The following PSMC3IP variants were observed in gnomAD, a reference collection of about 807,000 sequenced individuals.
The protein encoded by PSMC3IP is homologous-pairing protein 2 homolog.
Under a neutral mutation model 34.9 loss-of-function variants are expected in PSMC3IP, and 26 were observed. The ratio of observed to expected loss-of-function variants is 0.74; its 90% CI spans 0.55 to 1.03. PSMC3IP has a LOEUF of 1.03. Among genes scored for constraint, PSMC3IP ranks in the 50% least tolerant of loss-of-function variants. The pLI, the probability that PSMC3IP is intolerant of heterozygous loss-of-function variation, is 0.00. For missense variants in PSMC3IP, 250 were observed against 263.1 expected (o/e 0.95, Z 0.34); for synonymous variants, 87 against 96.5 (o/e 0.90, Z 0.57).
rs753204781 is a variant in PSMC3IP at position 42,572,818 on chromosome 17, C to G, written c.*150G>C. The G allele has an allele frequency of 1.1e-6, 1 of 921,814 alleles. No homozygotes were observed. Among genetic ancestry groups the G allele is most frequent in the South Asian group, 1.4e-5 (1 of 72,502 alleles). The allele number at this position is 921,814 out of a possible 1,614,324, so 57.1% of individuals were successfully genotyped here. A position where few individuals can be genotyped will look rare whatever the true frequency, so the allele number is the denominator to read the frequency against. On this transcript the variant is annotated 3_prime_UTR_variant, in exon 8 of 8. Coordinates refer to ENST00000393795, the MANE Select transcript of PSMC3IP (RefSeq NM_016556.4). ...CAGCCCTCATCCTCTCTACCCAGTGCTCTGGTTTATGCTTGTCTCCTGACT... is the reference window on the plus strand; with the variant it reads ...CAGCCCTCATCCTCTCTACCCAGTGGTCTGGTTTATGCTTGTCTCCTGACT...
At chr17:42,573,878 A>G in intron 4 of PSMC3IP, 1 of 1,531,808 alleles carries the variant, frequency 6.5e-7, no homozygotes, top group South Asian at 1.2e-5. Context: ...GGGACAGTGT[A>G]CTGATAATCG....
chr17:42,574,746 T>C (rs201660662), intron 3 of PSMC3IP, among the ~76,000 whole-genome samples: 51 of 21,590 alleles, frequency 2.4e-3, no homozygotes, highest in African/African-American at 2.6e-3. Context: ...TCTCTTTCTC[T>C]CTCTTTCTCC....
chr17:42,577,658 G>A lies in PSMC3IP; in HGVS notation c.29C>T (p.Ala10Val). The A allele has an allele frequency of 6.2e-7, 1 of 1,614,126 alleles. No homozygotes were observed. The highest frequency in any genetic ancestry group is 8.5e-7 in the Non-Finnish European group (1 of 1,180,024). The change falls in exon 1 of 8, where the codon GCG becomes GTG. Residue 10 changes from alanine to valine, a missense_variant. By Grantham distance (64) the Ala-to-Val change is moderately conservative. Coordinates refer to ENST00000393795, the MANE Select transcript of PSMC3IP (RefSeq NM_016556.4). Reference sequence around the variant, plus strand: ...CGCGCCCACGGCGCCGTTACCTCCCGCCGCAGCTTCTGCCCGGCCTTTACT... The same window carrying A: ...CGCGCCCACGGCGCCGTTACCTCCCACCGCAGCTTCTGCCCGGCCTTTACT... MSKGRAEAA[A>V]GAAGILLRYL... is the part of the protein sequence containing the mutation.
rs771603176 is a variant in PSMC3IP at position 42,573,513 on chromosome 17, C to T, written c.448G>A (p.Ala150Thr). Residue 150 changes from alanine to threonine, a missense_variant, in exon 5 of 8, where the codon GCT (alanine) becomes ACT (threonine). Physicochemically the swap from Ala to Thr is moderately conservative, Grantham distance 58. Transcript: ENST00000393795. ...YRERLKNIKA[A>T]TNHVTPEEKE... ...TCTTCTGGAGTCACATGATTGGTAG[C>T]TGCTTTAATGTTCTTCAATCTCTCT... 2.5e-6 allele frequency: 4 copies of T among 1,614,232 alleles called. No homozygotes were observed. Among genetic ancestry groups the T allele is most frequent in the Non-Finnish European group, 3.4e-6 (4 of 1,180,044 alleles).
rs746884002 is a variant in PSMC3IP, at chr17:42,577,695, C to T, written c.-9G>A. ...GCCCGGCCTTTACTCATCGCCTTTC[C>T]CGCCACCCAACTCAGAAAGCCGGAC... On this transcript the variant is annotated 5_prime_UTR_variant, in exon 1 of 8. Coordinates refer to ENST00000393795, the MANE Select transcript of PSMC3IP (RefSeq NM_016556.4). 1 of 1,614,044 alleles carries T rather than the reference C, an allele frequency of 6.2e-7. No individual in the cohort carries two copies. The highest frequency in any genetic ancestry group is 8.5e-7 in the Non-Finnish European group (1 of 1,179,912).
intron 4 of PSMC3IP, 168 bp downstream of exon 4, chr17:42,573,931 A>G: frequency 6.5e-7 from 1 of 1,533,600 alleles, no homozygotes; most frequent in Non-Finnish European, 8.7e-7. Flanking sequence ...TTGTTGGTAC[A>G]CAAAAGCCGT....
intron 3 of PSMC3IP, among the ~76,000 whole-genome samples, chr17:42,574,810 G>A (rs1391493237): frequency 1.4e-5 from 2 of 142,074 alleles, no homozygotes; most frequent in Middle Eastern, 3.6e-3. Context: ...CCAGAGTGCA[G>A]TGGTGCAATC....
intron 3 of PSMC3IP, among the ~76,000 whole-genome samples, chr17:42,576,230 G>A (rs921641096): frequency 2.6e-5 from 4 of 152,172 alleles, no homozygotes; most frequent in African/African-American, 7.2e-5. Context: ...TCTAGTGTTC[G>A]TGGATAGAAA....
rs9903184 is a variant in PSMC3IP at position 42,574,190 on chromosome 17, A to G, written c.246T>C (p.Ser82=). The change falls in exon 4 of 8, where the codon AGT becomes AGC. Residue 82 remains serine (S), a synonymous_variant. Transcript: ENST00000393795. ...CATCTAGGACTTGAAGGTCAGCATC[A>G]CTCACCATGTCAAACTGGTCCTGCC... ...FADQDQFDMV[S]DADLQVLDGK... is the part of the protein sequence containing the mutation. 2,715 of 1,614,012 alleles carry G rather than the reference A, an allele frequency of 1.7e-3. 59 individuals carry two copies. The African/African-American group carries it at 0.032, about 19-fold the overall frequency.
chr17:42,576,014 C>G (rs1272819482), intron 3 of PSMC3IP, among the ~76,000 whole-genome samples: 1 of 152,074 alleles, frequency 6.6e-6, no homozygotes, highest in East Asian at 1.9e-4. Context: ...GAGCGAGACT[C>G]CGTCTCAACA....
intron 3 of PSMC3IP, among the ~76,000 whole-genome samples, chr17:42,575,097 TTC>T (rs546500116): frequency 3.3e-5 from 5 of 152,110 alleles, no homozygotes; most frequent in Non-Finnish European, 7.3e-5. Context: ...TCTGAGGAGC[TTC>T]TCTCATGAGG....
At position 42,577,529 on chromosome 17, in the gene PSMC3IP, G is replaced by C. The variant is rs765595379; in HGVS notation, c.67C>G (p.Gln23Glu). ...TCCTGGGAGCTGTAGGGCCGGTTCTGCTCCTGCAGGTACCTCAGGAGGATC... is the reference window on the plus strand; with the variant it reads ...TCCTGGGAGCTGTAGGGCCGGTTCTCCTCCTGCAGGTACCTCAGGAGGATC... ...AGILLRYLQE[Q>E]NRPYSSQDVF... Residue 23 changes from glutamine (Q) to glutamate (E), a missense_variant, in exon 2 of 8, where the codon CAG becomes GAG. Coordinates refer to ENST00000393795, the MANE Select transcript of PSMC3IP (RefSeq NM_016556.4). 6.2e-7 allele frequency: 1 copy of C among 1,614,206 alleles called. No homozygotes were observed. The highest frequency in any genetic ancestry group is 1.7e-5 in the Admixed American group (1 of 60,018).
Position 42,573,546 on chromosome 17 carries a change from C to T in PSMC3IP, c.415G>A (p.Gly139Ser). 1 of 1,614,196 alleles carries T rather than the reference C, an allele frequency of 6.2e-7. No individual in the cohort carries two copies. The highest frequency in any genetic ancestry group is 8.5e-7 in the Non-Finnish European group (1 of 1,180,024). ...ATGTTCTTCAATCTCTCTCTGTAGC[C>T]AGCGCATTCCTTCTTTAACTCCTGG... ...EIQELKKECA[G>S]YRERLKNIKA... The change falls in exon 5 of 8, where the codon GGC becomes AGC. Residue 139 changes from glycine (G) to serine (S), a missense_variant. Coordinates refer to ENST00000393795, the MANE Select transcript of PSMC3IP (RefSeq NM_016556.4).
intron 3 of PSMC3IP, among the ~76,000 whole-genome samples, chr17:42,574,618 A>G (rs765509917): frequency 6.6e-6 from 1 of 151,774 alleles, no homozygotes; most frequent in Non-Finnish European, 1.5e-5. Context: ...GGATGGATGG[A>G]CTTCTTTTCT....
At chr17:42,577,138 A>T (rs1056821476) in intron 3 of PSMC3IP, 75 bp downstream of exon 3, 4 of 1,607,668 alleles carry the variant, frequency 2.5e-6, no homozygotes, top group Non-Finnish European at 3.4e-6. Context: ...CCTTGTCCCC[A>T]AAGAGTTCAC....
At chr17:42,575,870 A>G (rs2093072100) in intron 3 of PSMC3IP, among the ~76,000 whole-genome samples, 2 of 151,614 alleles carry the variant, frequency 1.3e-5, no homozygotes, top group Non-Finnish European at 2.9e-5. Flanking sequence ...AAAAAAAAAA[A>G]AAAATTAGGC....
intron 5 of PSMC3IP, 42 bp from the exon 6 acceptor site, chr17:42,573,406 A>G (rs922465120): frequency 6.2e-7 from 1 of 1,614,110 alleles, no homozygotes; most frequent in African/African-American, 1.3e-5. Flanking sequence ...TCAGAACCAC[A>G]GCAGCCCTCT....
intron 3 of PSMC3IP, 197 bp from the exon 4 acceptor site, chr17:42,574,407 A>C: frequency 7.4e-7 from 1 of 1,348,162 alleles, no homozygotes; most frequent in South Asian, 1.5e-5. Context: ...AAAAGGTAGG[A>C]AAGAAAAGCT....
At chr17:42,574,502 AC>A (rs1252341876) in intron 3 of PSMC3IP, among the ~76,000 whole-genome samples, 3 of 152,236 alleles carry the variant, frequency 2.0e-5, no homozygotes, top group Non-Finnish European at 4.4e-5. Flanking sequence ...TAAAACCACT[AC>A]CTGGGCTGAA....
Sources: allele counts gnomAD v4.1 joint callset (sites outside exome capture counted in the v4.1 genomes callset), GRCh38; gene constraint gnomAD v4.1.1; transcripts MANE v1.5; gene names NCBI Gene and HGNC (gene_info 2026-07-23, HGNC 2026-07-21).